Variants in AGAP1 observed in about 807,000 individuals in gnomAD.
AGAP1 encodes arf-GAP with GTPase, ANK repeat and PH domain-containing protein 1.
Under a neutral mutation model 105.3 loss-of-function variants are expected in AGAP1, and 29 were observed. The ratio of observed to expected loss-of-function variants is 0.28; its 90% CI spans 0.21 to 0.38. AGAP1 has a LOEUF of 0.38. AGAP1 is among the 10% of genes least tolerant of loss of function. The pLI is 1.00. For synonymous variants in AGAP1, 509 were observed against 485.9 expected, an observed-to-expected ratio of 1.05 and a Z score of -0.63; for missense variants, 998 against 1,165.1, an observed-to-expected ratio of 0.86 and a Z score of 2.09.
At position 235,639,183 on chromosome 2, in the gene AGAP1, TGA is replaced by T. The variant is rs903197778; in HGVS notation, c.164-69990_164-69989del. Among the ~76,000 whole-genome samples the T allele has an allele frequency of 5.3e-5, 8 of 152,104 alleles. No individual in the cohort carries two copies. Among genetic ancestry groups the T allele is most frequent in the Non-Finnish European group, 7.4e-5 (5 of 67,970 alleles). ...GGACGGATGATAGTGGCCCACAGGT[TGA>T]GAGAGGGGATGGGTTCAGCTTTGGC... is the stretch of plus-strand genomic sequence containing the variant. On this transcript the variant is annotated intron_variant, in intron 1 of 17. Coordinates refer to ENST00000304032, the MANE Select transcript of AGAP1 (RefSeq NM_001037131.3). This position sits in a 1 kb window ranked among gnomAD's most constrained non-coding sequence, Gnocchi z 5.3.
intron 6 of AGAP1, among the ~76,000 whole-genome samples, chr2:235,767,457 G>A (rs752007242): frequency 2.7e-4 from 41 of 152,168 alleles, no homozygotes; most frequent in Non-Finnish European, 4.1e-4. Flanking sequence ...CTGTGCAGCC[G>A]TTGCTTTTTC....
At chr2:236,021,185 C>T (rs1017538989) in intron 13 of AGAP1, among the ~76,000 whole-genome samples, 1 of 142,264 alleles carries the variant, frequency 7.0e-6, no homozygotes, top group African/African-American at 2.6e-5. Context: ...AAAAAAAAAA[C>T]TAATACAGAT....
chr2:235,850,493 C>T (rs1379438211), intron 9 of AGAP1, among the ~76,000 whole-genome samples: 1 of 152,194 alleles, frequency 6.6e-6, no homozygotes, highest in East Asian at 1.9e-4. Context: ...CTCTGCCACC[C>T]CGCATTAGTG....
At chr2:235,650,331 C>T (rs771833177) in intron 1 of AGAP1, among the ~76,000 whole-genome samples, 9 of 152,190 alleles carry the variant, frequency 5.9e-5, no homozygotes, top group Non-Finnish European at 1.0e-4. Flanking sequence ...CACTGCACTC[C>T]AGCCTGGGTC....
intron 13 of AGAP1, among the ~76,000 whole-genome samples, chr2:236,004,226 G>C (rs554515705): frequency 6.6e-6 from 1 of 152,246 alleles, no homozygotes; most frequent in Admixed American, 6.5e-5. Context: ...CTTCCCAGGG[G>C]AGATCAGTGA....
At chr2:235,998,457 C>G (rs2055910566) in intron 13 of AGAP1, among the ~76,000 whole-genome samples, 1 of 152,166 alleles carries the variant, frequency 6.6e-6, no homozygotes, top group African/African-American at 2.4e-5. Flanking sequence ...CTATCTTACC[C>G]CTGAAAGCTG....
intron 9 of AGAP1, among the ~76,000 whole-genome samples, chr2:235,849,921 G>A (rs1191988424): frequency 2.0e-5 from 3 of 152,258 alleles, no homozygotes; most frequent in African/African-American, 7.2e-5. Flanking sequence ...CTCTCACCAC[G>A]ACTCTTTCTT....
Position 235,639,942 on chromosome 2 carries a change from A to G in AGAP1, c.164-69237A>G, listed in dbSNP as rs926030798. Among the ~76,000 whole-genome samples, 1 of 152,220 alleles carries G rather than the reference A, an allele frequency of 6.6e-6. No individual in the cohort carries two copies. The highest frequency in any genetic ancestry group is 1.5e-5 in the Non-Finnish European group (1 of 68,050). On this transcript the variant is annotated intron_variant, in intron 1 of 17. Coordinates refer to ENST00000304032, the MANE Select transcript of AGAP1 (RefSeq NM_001037131.3). The surrounding 1 kb of genome is among the most constrained non-coding windows in gnomAD (Gnocchi z 5.3). ...GTTGTAATTTGCCCATGATGGGGTT[A>G]GAGACCCACAGTTGCTCAAAAGCAG...
intron 4 of AGAP1, among the ~76,000 whole-genome samples, chr2:235,742,812 C>T (rs983586014): frequency 2.6e-5 from 4 of 152,180 alleles, no homozygotes; most frequent in Admixed American, 2.6e-4. Context: ...GCTTTTTTCT[C>T]CACAACTGAA....
At chr2:235,570,354 A>C (rs1171283499) in intron 1 of AGAP1, among the ~76,000 whole-genome samples, 8 of 152,200 alleles carry the variant, frequency 5.3e-5, no homozygotes, top group Admixed American at 5.2e-4. Flanking sequence ...AAAACAACAG[A>C]TTGCTTAATG....
intron 9 of AGAP1, among the ~76,000 whole-genome samples, chr2:235,814,647 G>A (rs1164152045): frequency 4.6e-5 from 7 of 152,118 alleles, no homozygotes; most frequent in African/African-American, 1.7e-4. Flanking sequence ...CGGGTGTCAC[G>A]CCAAGGAGTG....
intron 16 of AGAP1, among the ~76,000 whole-genome samples, chr2:236,112,612 T>A (rs1490330811): frequency 6.6e-6 from 1 of 152,184 alleles, no homozygotes; most frequent in Admixed American, 6.5e-5. Flanking sequence ...TGTTCACAGG[T>A]GCTGGGAGTT....
intron 1 of AGAP1, among the ~76,000 whole-genome samples, chr2:235,567,219 G>A (rs953022994): frequency 1.3e-5 from 2 of 152,228 alleles, no homozygotes; most frequent in African/African-American, 2.4e-5. Flanking sequence ...TGTGCGGGTC[G>A]GATGTCTTTG....
chr2:236,011,029 C>T (rs926945827), intron 13 of AGAP1, among the ~76,000 whole-genome samples: 21 of 152,130 alleles, frequency 1.4e-4, no homozygotes, highest in African/African-American at 4.8e-4. Context: ...CCTGGGCTAA[C>T]AGTGCAAGAC....
At chr2:235,810,854 T>TTTTTTA (rs61070151) in intron 9 of AGAP1, among the ~76,000 whole-genome samples, 1 of 146,392 alleles carries the variant, frequency 6.8e-6, no homozygotes, top group Admixed American at 6.9e-5. Context: ...TTTTTTTTTT[T>TTTTTTA]ACTAATAAGG....
At chr2:235,924,139 C>G (rs1263524494) in intron 11 of AGAP1, among the ~76,000 whole-genome samples, 7 of 152,078 alleles carry the variant, frequency 4.6e-5, no homozygotes, top group Non-Finnish European at 1.0e-4. Flanking sequence ...GTCAACATCC[C>G]TTGCAAGATA....
At chr2:235,697,482 G>T (rs376422040) in intron 1 of AGAP1, among the ~76,000 whole-genome samples, 4 of 152,314 alleles carry the variant, frequency 2.6e-5, no homozygotes, top group African/African-American at 9.6e-5. Flanking sequence ...TGGCAGGGGG[G>T]ACCAATACCT....
intron 1 of AGAP1, among the ~76,000 whole-genome samples, chr2:235,673,201 C>T (rs745865730): frequency 2.6e-5 from 4 of 152,138 alleles, no homozygotes; most frequent in Non-Finnish European, 5.9e-5. Flanking sequence ...GGTGTAGCCC[C>T]CATAGGTGTC....
chr2:235,827,743 T>C (rs537817534), intron 9 of AGAP1, among the ~76,000 whole-genome samples: 1 of 152,344 alleles, frequency 6.6e-6, no homozygotes, highest in South Asian at 2.1e-4. Context: ...GAGGCTTTCC[T>C]TTAACATAGC....
Sources: gnomAD v4.1 joint callset for allele counts (sites outside exome capture counted in the v4.1 genomes callset) on GRCh38, gnomAD v4.1.1 for gene constraint, Gnocchi (gnomAD v3.1) non-coding constraint, MANE v1.5 for transcripts, NCBI Gene and HGNC (gene_info 2026-07-23, HGNC 2026-07-21) for gene names.